GFAP: variants seen among roughly 807,000 people sequenced by gnomAD.
The protein encoded by GFAP is glial fibrillary acidic protein, also known as intermediate filament protein.
In GFAP, 38 loss-of-function variants were observed where a neutral mutation model predicts 49.3. The observed-to-expected ratio is 0.77, with a 90% CI of 0.60 to 1.01. The LOEUF (loss-of-function observed/expected upper bound fraction) is 1.01. Among genes scored for constraint, GFAP ranks in the 50% least tolerant of loss-of-function variants. The probability of loss-of-function intolerance (pLI) is 0.00; values close to 1 mark genes in which losing one functional copy is unlikely to be tolerated. For missense variants in GFAP, 463 were observed against 579.1 expected, an observed-to-expected ratio of 0.80 and a Z score of 2.06; for synonymous variants, 222 against 236.4, an observed-to-expected ratio of 0.94 and a Z score of 0.56.
At chr17:44,912,116 T>TG (rs1379039938) in intron 4 of GFAP, among the ~76,000 whole-genome samples, 14 of 151,376 alleles carry the variant, frequency 9.2e-5, no homozygotes, top group Admixed American at 3.9e-4. Flanking sequence ...GTGTTTTTGT[T>TG]TTTTTGTTTT....
In GFAP at chr17:44,907,106, C is replaced by G. The variant is rs1264062015; in HGVS notation, c.*241G>C. 6.7e-6 allele frequency: 4 copies of G among 595,232 alleles called. No homozygotes were observed. The highest frequency in any genetic ancestry group is 1.2e-5 in the Non-Finnish European group (4 of 331,410). The allele number at this position is 595,232 out of a possible 1,614,324, so 36.9% of individuals were successfully genotyped here. ...GCTGGCCATGCCCCTCCAGACTGCC[C>G]CTTGGGGGTGAGTTTCTTGTTAGTT... On this transcript the variant is annotated 3_prime_UTR_variant, in exon 9 of 9. Coordinates refer to ENST00000588735, the MANE Select transcript of GFAP (RefSeq NM_002055.5).
intron 5 of GFAP, 27 bp downstream of exon 5, chr17:44,911,645 T>C (rs1567774346): frequency 6.8e-6 from 11 of 1,608,786 alleles, no homozygotes; most frequent in Non-Finnish European, 9.3e-6. Context: ...GCTCCGCCCG[T>C]CCCCGTCCTG....
intron 6 of GFAP, 87 bp downstream of exon 6, chr17:44,911,148 GA>G: frequency 8.2e-7 from 1 of 1,217,510 alleles, no homozygotes; most frequent in Non-Finnish European, 1.2e-6. Context: ...ACACAAGGCT[GA>G]AAAAGACTCA....
At chr17:44,912,119 T>TG (rs1555574333) in intron 4 of GFAP, among the ~76,000 whole-genome samples, 131 of 147,822 alleles carry the variant, frequency 8.9e-4, no homozygotes, top group Middle Eastern at 3.4e-3. Flanking sequence ...TTTTTGTTTT[T>TG]TTGTTTTTTT....
At chr17:44,914,627 A>T (rs934964991) in intron 1 of GFAP, 1 of 249,514 alleles carries the variant, frequency 4.0e-6, no homozygotes, top group African/African-American at 2.3e-5. Flanking sequence ...TCACCCCAGA[A>T]TCCAATCTCC....
Position 44,915,461 on chromosome 17 carries a change from G to A in GFAP, c.26C>T (p.Ala9Val), listed in dbSNP as rs202212750. ...TGAGGAGACGTAGGAGCGGCGAGCA[G>A]CGGAGGTGATGCGTCTCCTCTCCAT... MERRRITS[A>V]ARRSYVSSGE... Residue 9 changes from alanine to valine, a missense_variant, in exon 1 of 9, where the codon GCT becomes GTT. Physicochemically the swap from Ala to Val is moderately conservative, Grantham distance 64. Around this residue, in one of 3 missense-constraint regions of GFAP, gnomAD observed 89 missense variants for 87.5 expected, o/e 1.02. Coordinates refer to ENST00000588735, the MANE Select transcript of GFAP (RefSeq NM_002055.5). The surrounding 1 kb of genome is among the most constrained non-coding windows in gnomAD (Gnocchi z 4.1). 1 of 1,598,572 alleles carries A rather than the reference G, an allele frequency of 6.3e-7. No homozygotes were observed. Among genetic ancestry groups the A allele is most frequent in the Non-Finnish European group, 8.5e-7 (1 of 1,173,388 alleles).
rs753939780 is a variant in GFAP, at chr17:44,915,151, C to T, written c.336G>A (p.Leu112=). 6.2e-6 allele frequency: 10 copies of T among 1,614,076 alleles called. No individual in the cohort carries two copies. In the Admixed American group the frequency reaches 1.2e-4, roughly 19 times the overall value. ...GCAGCTCAGCCTGGTAGACGTCTGC[C>T]AGCTTGGTGGGCTCCTTGGCCCGCA... ...NQLRAKEPTK[L]ADVYQAELRE... The change falls in exon 1 of 9, where the codon CTG becomes CTA. Residue 112 remains leucine (L), a synonymous_variant. Coordinates refer to ENST00000588735, the MANE Select transcript of GFAP (RefSeq NM_002055.5). This position sits in a 1 kb window ranked among gnomAD's most constrained non-coding sequence, Gnocchi z 4.1.
rs1190065571 is a variant in GFAP, at chr17:44,913,800, G to A, written c.546C>T (p.Ala182=). The change falls in exon 3 of 9, where the codon GCC becomes GCT. Residue 182 remains alanine (A), a synonymous_variant. Transcript: ENST00000588735. ...YRQEADEATL[A]RLDLERKIES... ...CAATCTTCCTCTCCAGATCCAGACGGGCCAGGGTGGCTTCATCTGCTTCCT... is the reference window on the plus strand; with the variant it reads ...CAATCTTCCTCTCCAGATCCAGACGAGCCAGGGTGGCTTCATCTGCTTCCT... The A allele has an allele frequency of 1.2e-6, 2 of 1,613,988 alleles. No individual in the cohort carries two copies. The highest frequency in any genetic ancestry group is 1.7e-6 in the Non-Finnish European group (2 of 1,179,974).
intron 5 of GFAP, 96 bp from the exon 6 acceptor site, chr17:44,911,552 G>C (rs1179312718): frequency 3.2e-6 from 5 of 1,563,970 alleles, no homozygotes; most frequent in African/African-American, 2.7e-5. Flanking sequence ...CTCTAGCCCG[G>C]GGGTAACGTT....
chr17:44,905,062 C>T lies in GFAP; in HGVS notation c.*2285G>A, dbSNP rs1375717891. 1.9e-6 allele frequency: 3 copies of T among 1,541,022 alleles called. No homozygotes were observed. The highest frequency in any genetic ancestry group is 2.6e-6 in the Non-Finnish European group (3 of 1,140,342). ...ACTTATTTCACTGTTGTCCCAGCTT[C>T]TCCCCCTAGGAGCTCTCTTCAGCTC... On this transcript the variant is annotated 3_prime_UTR_variant, in exon 9 of 9. Transcript: ENST00000588735.
Position 44,911,488 on chromosome 17 carries a change from C to G in GFAP, c.907-32G>C, listed in dbSNP as rs761559312. The G allele has an allele frequency of 1.1e-5, 17 of 1,575,874 alleles. No individual in the cohort carries two copies. The South Asian group carries it at 1.8e-4, about 17-fold the overall frequency. Reference sequence around the variant, plus strand: ...GATGGAGCCGGCCGGTCCCGCGGAGCCCCGACCCGACTTGGGGAGGTTTCG... The same window carrying G: ...GATGGAGCCGGCCGGTCCCGCGGAGGCCCGACCCGACTTGGGGAGGTTTCG... On this transcript the variant is annotated intron_variant, in intron 5 of 8. Transcript: ENST00000588735.
In GFAP at chr17:44,913,763, C is replaced by T. The variant is rs773433027; in HGVS notation, c.583G>A (p.Glu195Lys). The T allele has an allele frequency of 6.2e-7, 1 of 1,614,168 alleles. No homozygotes were observed. Among genetic ancestry groups the T allele is most frequent in the Non-Finnish European group, 8.5e-7 (1 of 1,180,002 alleles). ...ATCTTCCTCAAGAACCGGATCTCCT[C>T]CTCCAGCGACTCAATCTTCCTCTCC... ...DLERKIESLE[E>K]EIRFLRKIHE... is the part of the protein sequence containing the mutation. Residue 195 changes from glutamate (E) to lysine (K), a missense_variant, in exon 3 of 9, where the codon GAG (glutamate) becomes AAG (lysine). Physicochemically the swap from Glu to Lys is moderately conservative, Grantham distance 56. Around this residue, in one of 3 missense-constraint regions of GFAP, gnomAD observed 362 missense variants for 445.5 expected, o/e 0.81. Coordinates refer to ENST00000588735, the MANE Select transcript of GFAP (RefSeq NM_002055.5).
rs1418355557 is a variant in GFAP, at chr17:44,905,039, T to C, written c.*2308A>G. ...TCACTTCTGTCGTTGCTGCTGCTAC[T>C]TATTTCACTGTTGTCCCAGCTTCTC... is the stretch of plus-strand genomic sequence containing the variant. On this transcript the variant is annotated 3_prime_UTR_variant, in exon 9 of 9. Coordinates refer to ENST00000588735, the MANE Select transcript of GFAP (RefSeq NM_002055.5). 1 of 1,548,424 alleles carries C rather than the reference T, an allele frequency of 6.5e-7. No homozygotes were observed. The highest frequency in any genetic ancestry group is 2.0e-5 in the Admixed American group (1 of 50,890).
chr17:44,915,158 G>A lies in GFAP; in HGVS notation c.329C>T (p.Thr110Ile). 6.2e-7 allele frequency: 1 copy of A among 1,614,162 alleles called. No homozygotes were observed. The change falls in exon 1 of 9, where the codon ACC (threonine) becomes ATC (isoleucine). Residue 110 changes from threonine (T) to isoleucine (I), a missense_variant. Around this residue, in one of 3 missense-constraint regions of GFAP, gnomAD observed 362 missense variants for 445.5 expected, o/e 0.81. Coordinates refer to ENST00000588735, the MANE Select transcript of GFAP (RefSeq NM_002055.5). This position sits in a 1 kb window ranked among gnomAD's most constrained non-coding sequence, Gnocchi z 4.1. ...ELNQLRAKEP[T>I]KLADVYQAEL... ...AGCCTGGTAGACGTCTGCCAGCTTG[G>A]TGGGCTCCTTGGCCCGCAGCTGGTT...
At chr17:44,910,419 G>T in intron 7 of GFAP, 196 bp downstream of exon 7, 2 of 1,592,664 alleles carry the variant, frequency 1.3e-6, no homozygotes, top group South Asian at 1.1e-5. Context: ...TAGCAGGACA[G>T]GGGCAGCTGC....
intron 1 of GFAP, chr17:44,914,383 A>G (rs1481166080): frequency 7.0e-6 from 3 of 430,178 alleles, no homozygotes; most frequent in East Asian, 4.1e-5. Context: ...ACACACACAC[A>G]CGCACATGTC....
chr17:44,908,888 C>G (rs192515286), intron 7 of GFAP: 11 of 149,312 alleles, frequency 7.4e-5, no homozygotes, highest in African/African-American at 2.5e-4. Context: ...AGCAAGCAAG[C>G]AGGAAAGAGA....
At position 44,904,186 on chromosome 17, in the gene GFAP, C is replaced by A; in HGVS notation, c.*3161G>T. 1.3e-6 allele frequency: 2 copies of A among 1,550,542 alleles called. No individual in the cohort carries two copies. On this transcript the variant is annotated 3_prime_UTR_variant, in exon 9 of 9. Transcript: ENST00000588735. ...TGGTTTTCAGGGCTCAGTCTGAGGA[C>A]TCAGGCCTGTACTTCTGCGGCACCC... is the stretch of plus-strand genomic sequence containing the variant.
At position 44,906,592 on chromosome 17, in the gene GFAP, C is replaced by T. The variant is rs2051655750; in HGVS notation, c.*755G>A. ...GGATGGCAGCTCAGGTGGACTGAGA[C>T]ACTTGAGTCATCGCTCAGGAGGTCC... On this transcript the variant is annotated 3_prime_UTR_variant, in exon 9 of 9. Transcript: ENST00000588735. The T allele has an allele frequency of 6.5e-6, 1 of 152,744 alleles. No individual in the cohort carries two copies. Among genetic ancestry groups the T allele is most frequent in the Admixed American group, 6.5e-5 (1 of 15,334 alleles). 9.5% of individuals were successfully genotyped at this position (152,744 alleles called of 1,614,324 possible). A position where few individuals can be genotyped will look rare whatever the true frequency, so the allele number is the denominator to read the frequency against.
Sources: allele counts gnomAD v4.1 joint callset (sites outside exome capture counted in the v4.1 genomes callset), GRCh38; gene constraint gnomAD v4.1.1; regional missense constraint gnomAD v4.1.1; non-coding constraint Gnocchi (gnomAD v3.1); transcripts MANE v1.5; gene names NCBI Gene and HGNC (gene_info 2026-07-23, HGNC 2026-07-21).